Variants in DCUN1D1 observed in about 807,000 individuals in gnomAD.
DCUN1D1 encodes the protein defective in cullin neddylation 1 domain containing 1, also known as DCN1-like protein 1.
In DCUN1D1, 3 loss-of-function variants were observed where a neutral mutation model predicts 39.0. The ratio of observed to expected loss-of-function variants is 0.08; its 90% CI spans 0.04 to 0.20. The LOEUF (loss-of-function observed/expected upper bound fraction) is 0.20. Ranked by LOEUF, DCUN1D1 falls within the 10% of genes least tolerant of loss-of-function variation. The pLI is 1.00. For synonymous variants in DCUN1D1, 82 were observed against 96.3 expected (o/e 0.85, Z 0.87); for missense variants, 158 against 302.4 (o/e 0.52, Z 3.54).
intron 5 of DCUN1D1, 92 bp from the exon 6 acceptor site, chr3:182,947,426 C>A (rs1446632882): frequency 1.8e-6 from 2 of 1,117,930 alleles, no homozygotes; most frequent in East Asian, 5.1e-5. Flanking sequence ...GAATGCAAAA[C>A]AATTATGTAA....
At chr3:182,972,900 G>A (rs1728019589) in intron 1 of DCUN1D1, among the ~76,000 whole-genome samples, 1 of 152,028 alleles carries the variant, frequency 6.6e-6, no homozygotes, top group Non-Finnish European at 1.5e-5. Context: ...AAATTAGCCG[G>A]GCATGGTGGC....
chr3:182,957,520 G>A (rs567473850), intron 4 of DCUN1D1, among the ~76,000 whole-genome samples: 1 of 151,934 alleles, frequency 6.6e-6, no homozygotes, highest in Non-Finnish European at 1.5e-5. Context: ...TGGCTACTCC[G>A]GAGGCAGAGG....
chr3:182,960,920 G>T (rs969485226), intron 4 of DCUN1D1, among the ~76,000 whole-genome samples: 2 of 152,124 alleles, frequency 1.3e-5, no homozygotes, highest in South Asian at 4.1e-4. Flanking sequence ...GGTCATGAAT[G>T]AAAAAATGAA....
At chr3:182,978,573 A>G (rs968810947) in intron 1 of DCUN1D1, among the ~76,000 whole-genome samples, 5 of 151,974 alleles carry the variant, frequency 3.3e-5, no homozygotes, top group Non-Finnish European at 4.4e-5. Flanking sequence ...TCTCACTACT[A>G]TGTTGCGCAG....
Position 182,940,300 on chromosome 3 carries a change from A to T in DCUN1D1, c.*4794T>A, listed in dbSNP as rs1030934349. On this transcript the variant is annotated 3_prime_UTR_variant, in exon 7 of 7. Coordinates refer to ENST00000292782, the MANE Select transcript of DCUN1D1 (RefSeq NM_020640.4). ...CATATGAACATGCATTTGAATATATATGTACTTTTTAAATATAAAATGAGT... is the reference window on the plus strand; with the variant it reads ...CATATGAACATGCATTTGAATATATTTGTACTTTTTAAATATAAAATGAGT... 5 of 152,212 alleles carry T rather than the reference A, an allele frequency of 3.3e-5. No homozygotes were observed. The highest frequency in any genetic ancestry group is 7.3e-5 in the Non-Finnish European group (5 of 68,030). 9.4% of individuals were successfully genotyped at this position (152,212 alleles called of 1,614,324 possible). A position where few individuals can be genotyped will look rare whatever the true frequency, so the allele number is the denominator to read the frequency against.
At position 182,945,064 on chromosome 3, in the gene DCUN1D1, C is replaced by T. The variant is rs765652635; in HGVS notation, c.*30G>A. The stretch of plus-strand genomic sequence containing the variant: ...TTTTCTGTTGTATTTATTGTACAGA[C>T]TATGTACATTCTAGAAGGTTCCTTT... On this transcript the variant is annotated 3_prime_UTR_variant, in exon 7 of 7. Transcript: ENST00000292782. 3.2e-6 allele frequency: 5 copies of T among 1,555,308 alleles called. No individual in the cohort carries two copies. The highest frequency in any genetic ancestry group is 2.2e-5 in the East Asian group (1 of 44,542).
At chr3:182,975,377 C>T (rs56156835) in intron 1 of DCUN1D1, among the ~76,000 whole-genome samples, 16,751 of 151,600 alleles carry the variant, frequency 0.11, 1,126 homozygotes, top group East Asian at 0.17. Context: ...GGGGTTTCAC[C>T]GTGTTAGCCA....
chr3:182,958,195 C>A (rs781755497), intron 4 of DCUN1D1, among the ~76,000 whole-genome samples: 1 of 151,754 alleles, frequency 6.6e-6, no homozygotes, highest in Non-Finnish European at 1.5e-5. Flanking sequence ...CAAGTCATTA[C>A]ATTTCCTGAT....
chr3:182,965,598 T>C lies in DCUN1D1; in HGVS notation c.159A>G (p.Arg53=). ...TGTCCAATGATCCTTTTACACTCTC[T>C]CGTATATAAAGTTCAGGATTTTGGA... ...NFFQNPELYI[R]ESVKGSLDRK... Residue 53 remains arginine, a synonymous_variant, in exon 2 of 7, where the codon CGA becomes CGG. Transcript: ENST00000292782. 6.2e-7 allele frequency: 1 copy of C among 1,613,838 alleles called. No individual in the cohort carries two copies. The highest frequency in any genetic ancestry group is 8.5e-7 in the Non-Finnish European group (1 of 1,179,816).
At chr3:182,974,673 T>C (rs1728121780) in intron 1 of DCUN1D1, among the ~76,000 whole-genome samples, 1 of 152,092 alleles carries the variant, frequency 6.6e-6, no homozygotes, top group Non-Finnish European at 1.5e-5. Context: ...TCCACATGTT[T>C]ATTAAAATGA....
chr3:182,959,780 G>A (rs1727288688), intron 4 of DCUN1D1, among the ~76,000 whole-genome samples: 1 of 152,158 alleles, frequency 6.6e-6, no homozygotes, highest in African/African-American at 2.4e-5. Flanking sequence ...CCACTGTGGT[G>A]GAGCTGGAAG....
At chr3:182,951,629 A>C (rs1224161517) in intron 4 of DCUN1D1, among the ~76,000 whole-genome samples, 1 of 147,444 alleles carries the variant, frequency 6.8e-6, no homozygotes, top group East Asian at 2.1e-4. Context: ...AAAAAAAAAA[A>C]AAAAAAAAAA....
At chr3:182,982,023 T>C (rs1728570683), upstream of DCUN1D1, among the ~76,000 whole-genome samples, 1 of 152,260 alleles carries the variant, frequency 6.6e-6, no homozygotes, top group African/African-American at 2.4e-5. Flanking sequence ...ACCTAAAGTA[T>C]TAACACCTAG....
At chr3:182,977,013 C>T (rs1728271209) in intron 1 of DCUN1D1, among the ~76,000 whole-genome samples, 1 of 152,152 alleles carries the variant, frequency 6.6e-6, no homozygotes, top group Non-Finnish European at 1.5e-5. Context: ...CCATTGAAAA[C>T]ATAGGCATTA....
Position 182,945,061 on chromosome 3 carries a change from A to G in DCUN1D1, c.*33T>C. On this transcript the variant is annotated 3_prime_UTR_variant, in exon 7 of 7. Coordinates refer to ENST00000292782, the MANE Select transcript of DCUN1D1 (RefSeq NM_020640.4). ...CAATTTTCTGTTGTATTTATTGTAC[A>G]GACTATGTACATTCTAGAAGGTTCC... The G allele has an allele frequency of 6.4e-7, 1 of 1,560,806 alleles. No individual in the cohort carries two copies. Among genetic ancestry groups the G allele is most frequent in the Non-Finnish European group, 8.8e-7 (1 of 1,134,658 alleles).
At chr3:182,962,953 T>C (rs1378105998) in intron 3 of DCUN1D1, among the ~76,000 whole-genome samples, 1 of 152,174 alleles carries the variant, frequency 6.6e-6, no homozygotes, top group Admixed American at 6.5e-5. Context: ...GCTAATTTTG[T>C]ATTTTTTGTA....
intron 6 of DCUN1D1, 142 bp from the exon 7 acceptor site, chr3:182,945,315 T>C (rs757017923): frequency 3.6e-5 from 22 of 616,080 alleles, no homozygotes; most frequent in Non-Finnish European, 3.9e-5. Context: ...TGATTAAGTC[T>C]TTCAAAACTC....
At chr3:182,945,506 G>A (rs933597428) in intron 6 of DCUN1D1, among the ~76,000 whole-genome samples, 2 of 152,164 alleles carry the variant, frequency 1.3e-5, no homozygotes, top group African/African-American at 4.8e-5. Context: ...GCAGCCTGAG[G>A]CAGGAGAATG....
At chr3:182,981,123 C>G (rs182597452), upstream of DCUN1D1, among the ~76,000 whole-genome samples, 68 of 152,188 alleles carry the variant, frequency 4.5e-4, no homozygotes, top group African/African-American at 1.5e-3. Flanking sequence ...TAGTCCCCCC[C>G]CTGCGGTGGC....
Sources: gnomAD v4.1 joint callset for allele counts (sites outside exome capture counted in the v4.1 genomes callset) on GRCh38, gnomAD v4.1.1 for gene constraint, MANE v1.5 for transcripts, NCBI Gene and HGNC (gene_info 2026-07-23, HGNC 2026-07-21) for gene names.